SV2C: variants seen among roughly 807,000 people sequenced by gnomAD.
SV2C encodes the protein synaptic vesicle glycoprotein 2C, also known as solute carrier family 22 member B3.
In SV2C, 49 loss-of-function variants were observed where a neutral mutation model predicts 79.7. The observed-to-expected ratio is 0.61, with a 90% CI of 0.49 to 0.78. The LOEUF is 0.78. Among genes scored for constraint, SV2C ranks in the 30% least tolerant of loss-of-function variants. The probability of loss-of-function intolerance (pLI) is 0.00; values close to 1 mark genes in which losing one functional copy is unlikely to be tolerated. For missense variants in SV2C, 833 were observed against 912.9 expected, an observed-to-expected ratio of 0.91 and a Z score of 1.13; for synonymous variants, 334 against 333.2, an observed-to-expected ratio of 1.00 and a Z score of -0.03.
rs1230055556 is a variant in SV2C at position 76,333,737 on chromosome 5, ATG to A, written c.*8194_*8195del. On this transcript the variant is annotated 3_prime_UTR_variant, in exon 13 of 13. Transcript: ENST00000502798. The stretch of plus-strand genomic sequence containing the variant: ...TCCAATTGCCAAAATGTTTGACCAA[ATG>A]TGTTTTGACAAATATCCCGAGACAG... 3.9e-5 allele frequency: 6 copies of A among 152,292 alleles called. No individual in the cohort carries two copies. In the East Asian group the frequency reaches 1.2e-3, roughly 29 times the overall value. The allele number at this position is 152,292 out of a possible 1,614,324, so 9.4% of individuals were successfully genotyped here.
the SV2C span, among the ~76,000 whole-genome samples, chr5:76,056,441 G>A: frequency 6.6e-6 from 1 of 152,158 alleles, no homozygotes; most frequent in East Asian, 1.9e-4. Context: ...AGGGATATTG[G>A]CATGAAGTTT....
At chr5:75,929,411 G>A in the SV2C span, among the ~76,000 whole-genome samples, 9 of 151,842 alleles carry the variant, frequency 5.9e-5, no homozygotes, top group African/African-American at 1.2e-4. Context: ...GGGAAGCTGC[G>A]GCATCTGCTT....
intron 4 of SV2C, among the ~76,000 whole-genome samples, chr5:76,281,633 T>C (rs985179804): frequency 2.6e-5 from 4 of 152,320 alleles, no homozygotes; most frequent in Middle Eastern, 6.8e-3. Context: ...TTCTAGAGTC[T>C]CCTTCTGGAG....
the SV2C span, among the ~76,000 whole-genome samples, chr5:76,065,776 A>C: frequency 6.6e-6 from 1 of 152,182 alleles, no homozygotes; most frequent in African/African-American, 2.4e-5. Context: ...ACACCATAAT[A>C]TGCTAAGCCA....
chr5:75,959,305 T>A, the SV2C span, among the ~76,000 whole-genome samples: 1 of 151,982 alleles, frequency 6.6e-6, no homozygotes, highest in African/African-American at 2.4e-5. Flanking sequence ...ATAAAACATC[T>A]TCTTTGGAGA....
At chr5:76,034,052 C>A in the SV2C span, among the ~76,000 whole-genome samples, 2 of 147,622 alleles carry the variant, frequency 1.4e-5, no homozygotes, top group Non-Finnish European at 3.0e-5. Context: ...CTCTGTTTGT[C>A]TGTTTTTGGA....
chr5:76,181,668 G>A (rs1743736438), intron 2 of SV2C, among the ~76,000 whole-genome samples: 2 of 151,986 alleles, frequency 1.3e-5, no homozygotes, highest in African/African-American at 4.8e-5. Context: ...TGAGGAGACA[G>A]CACTAGGGGG....
chr5:76,214,306 G>T (rs563251733), intron 4 of SV2C, among the ~76,000 whole-genome samples: 1 of 152,080 alleles, frequency 6.6e-6, no homozygotes, highest in Non-Finnish European at 1.5e-5. Context: ...TCCTTATGGG[G>T]TACTCTTGGT....
the SV2C span, among the ~76,000 whole-genome samples, chr5:75,853,859 C>T: frequency 1.3e-4 from 19 of 150,686 alleles, no homozygotes; most frequent in Non-Finnish European, 2.1e-4. Context: ...TTTTTAAACT[C>T]TACTTTATTC....
chr5:76,044,224 T>C, the SV2C span, among the ~76,000 whole-genome samples: 1 of 152,256 alleles, frequency 6.6e-6, no homozygotes, highest in Non-Finnish European at 1.5e-5. Context: ...TCCATATCCC[T>C]GCAAAGGACA....
At position 76,173,745 on chromosome 5, in the gene SV2C, A is replaced by G. The variant is rs1157058766; in HGVS notation, c.581-21174A>G. On this transcript the variant is annotated intron_variant, in intron 2 of 12. Coordinates refer to ENST00000502798, the MANE Select transcript of SV2C (RefSeq NM_014979.4). ...TTAACATTTATTTTTGATTTTGCAGAAGATTCTAAGAATGCACAGTTGTTC... is the reference window on the plus strand; with the variant it reads ...TTAACATTTATTTTTGATTTTGCAGGAGATTCTAAGAATGCACAGTTGTTC... The G allele has an allele frequency of 1.9e-6, 3 of 1,612,098 alleles. No homozygotes were observed. In the African/African-American group the frequency reaches 4.0e-5, roughly 22 times the overall value.
chr5:76,257,165 C>A lies in SV2C; in HGVS notation c.914-27997C>A, dbSNP rs145741050. The stretch of plus-strand genomic sequence containing the variant: ...TTCCTTGATGTTCCTACTTATTAAT[C>A]TTATTAATTAACATATATCTTATAT... On this transcript the variant is annotated intron_variant, in intron 4 of 12. Transcript: ENST00000502798. Among the ~76,000 whole-genome samples the A allele has an allele frequency of 5.1e-4, 78 of 152,252 alleles. No homozygotes were observed. In the East Asian group the frequency reaches 0.014, roughly 27 times the overall value.
At chr5:76,211,736 A>G (rs184415988) in intron 4 of SV2C, among the ~76,000 whole-genome samples, 14 of 152,310 alleles carry the variant, frequency 9.2e-5, no homozygotes, top group African/African-American at 3.4e-4. Context: ...AAATTGACTC[A>G]TTGCTAAAAT....
At chr5:76,307,417 T>G (rs762024457) in intron 12 of SV2C, among the ~76,000 whole-genome samples, 1 of 152,132 alleles carries the variant, frequency 6.6e-6, no homozygotes, top group African/African-American at 2.4e-5. Context: ...ACTTCCTTAT[T>G]ATGCTCATTT....
At chr5:76,133,399 G>A (rs1748968890) in intron 2 of SV2C, among the ~76,000 whole-genome samples, 1 of 152,270 alleles carries the variant, frequency 6.6e-6, no homozygotes, top group South Asian at 2.1e-4. Flanking sequence ...ATTAAGTAAT[G>A]TTATTATCAT....
chr5:76,004,122 C>T, the SV2C span, among the ~76,000 whole-genome samples: 1 of 152,146 alleles, frequency 6.6e-6, no homozygotes, highest in African/African-American at 2.4e-5. Flanking sequence ...CTTAACTTTT[C>T]CTAGAGCCAA....
chr5:76,301,040 A>T, intron 11 of SV2C, 108 bp downstream of exon 11: 3 of 1,229,928 alleles, frequency 2.4e-6, no homozygotes, highest in Non-Finnish European at 3.5e-6. Flanking sequence ...AATAAGGAGA[A>T]ATCCTTTAGA....
the SV2C span, among the ~76,000 whole-genome samples, chr5:76,053,987 G>A: frequency 1.3e-5 from 2 of 151,906 alleles, no homozygotes; most frequent in Admixed American, 6.6e-5. Flanking sequence ...TGTTGTTGTT[G>A]TTGTTTTACT....
chr5:75,864,212 C>G, the SV2C span, among the ~76,000 whole-genome samples: 1 of 152,116 alleles, frequency 6.6e-6, no homozygotes, highest in Admixed American at 6.5e-5. Context: ...TTTCTCTTAT[C>G]TTTTCATCTA....
Sources: gnomAD v4.1 joint callset for allele counts (sites outside exome capture counted in the v4.1 genomes callset) on GRCh38, gnomAD v4.1.1 for gene constraint, MANE v1.5 for transcripts, NCBI Gene and HGNC (gene_info 2026-07-23, HGNC 2026-07-21) for gene names.